Variants in UBAP1 observed in about 807,000 individuals in gnomAD.
UBAP1 encodes the protein ubiquitin-associated protein 1.
Under a neutral mutation model 39.0 loss-of-function variants are expected in UBAP1, and 5 were observed. The ratio of observed to expected loss-of-function variants is 0.13; its 90% CI spans 0.07 to 0.27. The LOEUF is 0.27. UBAP1 is among the 10% of genes least tolerant of loss of function. The pLI is 1.00. For missense variants in UBAP1, 490 were observed against 608.1 expected (o/e 0.81, Z 2.04); for synonymous variants, 211 against 225.1 (o/e 0.94, Z 0.56).
chr9:34,242,487 A>C (rs903605678), intron 4 of UBAP1, among the ~76,000 whole-genome samples: 12 of 152,168 alleles, frequency 7.9e-5, no homozygotes, highest in Admixed American at 7.2e-4. Flanking sequence ...AATAGAAATC[A>C]ATAGAAGTCA....
intron 1 of UBAP1, among the ~76,000 whole-genome samples, chr9:34,179,979 T>TA (rs1480533444): frequency 3.9e-5 from 6 of 152,232 alleles, no homozygotes; most frequent in Non-Finnish European, 7.3e-5. Flanking sequence ...AAAAAATTGT[T>TA]ACTTTTAGTC....
intron 1 of UBAP1, among the ~76,000 whole-genome samples, chr9:34,215,276 A>T (rs541126157): frequency 1.3e-5 from 2 of 151,600 alleles, no homozygotes; most frequent in Admixed American, 1.3e-4. Flanking sequence ...TATATATGAT[A>T]GTGTGTGTGT....
chr9:34,224,342 C>G (rs1335909552), intron 2 of UBAP1: 2 of 443,736 alleles, frequency 4.5e-6, no homozygotes, highest in African/African-American at 2.0e-5. Flanking sequence ...CAATTCTTCA[C>G]CAGGGTCTTG....
At chr9:34,232,605 G>T (rs1833483176) in intron 2 of UBAP1, among the ~76,000 whole-genome samples, 1 of 152,114 alleles carries the variant, frequency 6.6e-6, no homozygotes, top group Non-Finnish European at 1.5e-5. Flanking sequence ...TCTTCCTAAT[G>T]GAGAGTTTCA....
chr9:34,241,960 A>C lies in UBAP1; in HGVS notation c.935A>C (p.Glu312Ala). ...LKPSTQSSASELNGHHTLGLS... is the reference protein window; with the variant it reads ...LKPSTQSSASALNGHHTLGLS... ...CCTTCCACCCAAAGCAGTGCCAGTG[A>C]GCTCAATGGGCATCACACTCTTGGG... The change falls in exon 4 of 7, where the codon GAG becomes GCG. Residue 312 changes from glutamate (E) to alanine (A), a missense_variant. Transcript: ENST00000297661. The C allele has an allele frequency of 6.2e-7, 1 of 1,614,118 alleles. No homozygotes were observed. The highest frequency in any genetic ancestry group is 2.2e-5 in the East Asian group (1 of 44,874).
At chr9:34,251,289 C>T (rs1834510536) in intron 6 of UBAP1, 103 bp from the exon 7 acceptor site, 1 of 1,250,280 alleles carries the variant, frequency 8.0e-7, no homozygotes, top group Non-Finnish European at 1.1e-6. Flanking sequence ...AGGATGTAGA[C>T]ATTCTGCTCT....
intron 1 of UBAP1, among the ~76,000 whole-genome samples, chr9:34,207,206 C>T (rs1482894622): frequency 6.6e-6 from 1 of 151,320 alleles, no homozygotes; most frequent in Middle Eastern, 3.2e-3. Flanking sequence ...GCTCCCGCCA[C>T]AGCTAATTTT....
intron 2 of UBAP1, among the ~76,000 whole-genome samples, chr9:34,232,930 C>G (rs1833502591): frequency 2.0e-5 from 3 of 152,172 alleles, no homozygotes; most frequent in Admixed American, 1.3e-4. Context: ...AAACATGGCC[C>G]TGTTTGGAGT....
At chr9:34,239,411 C>T in intron 3 of UBAP1, among the ~76,000 whole-genome samples, 1 of 152,224 alleles carries the variant, frequency 6.6e-6, no homozygotes, top group East Asian at 1.9e-4. Flanking sequence ...ACCCAGAGAA[C>T]AGTCAGACCT....
intron 3 of UBAP1, among the ~76,000 whole-genome samples, chr9:34,234,699 A>C (rs1233394835): frequency 6.6e-6 from 1 of 152,192 alleles, no homozygotes; most frequent in Non-Finnish European, 1.5e-5. Context: ...ATGGTAGCGC[A>C]ATGCATTACT....
rs575181788 is a variant in UBAP1, at chr9:34,243,338, G to A, written c.1083+1230G>A. On this transcript the variant is annotated intron_variant, in intron 4 of 6. Transcript: ENST00000297661. ...GCAGAGATCTTTCTCAAACTAGAAC[G>A]CTTGTCATTCTTTGACCAGCCTGAT... Among the ~76,000 whole-genome samples the A allele has an allele frequency of 1.4e-4, 21 of 152,210 alleles. No individual in the cohort carries two copies. In the South Asian group the frequency reaches 3.5e-3, roughly 26 times the overall value.
At chr9:34,236,382 C>T (rs1833702954) in intron 3 of UBAP1, among the ~76,000 whole-genome samples, 1 of 152,062 alleles carries the variant, frequency 6.6e-6, no homozygotes, top group African/African-American at 2.4e-5. Flanking sequence ...TACACTCTGC[C>T]CTCACCGATG....
chr9:34,247,982 A>G (rs1265640257), intron 4 of UBAP1, among the ~76,000 whole-genome samples: 1 of 152,192 alleles, frequency 6.6e-6, no homozygotes, highest in Non-Finnish European at 1.5e-5. Context: ...AAGCATACCA[A>G]ATAACATTTC....
intron 1 of UBAP1, among the ~76,000 whole-genome samples, chr9:34,192,904 AT>A (rs35338046): frequency 0.7 from 106,498 of 152,012 alleles, 39,330 homozygotes; most frequent in East Asian, 0.95. Flanking sequence ...ATAATTACTT[AT>A]TTTTCTATAT....
intron 1 of UBAP1, among the ~76,000 whole-genome samples, chr9:34,184,592 C>T (rs1338860444): frequency 1.4e-5 from 2 of 143,364 alleles, no homozygotes; most frequent in African/African-American, 5.1e-5. Flanking sequence ...GATCACGCCA[C>T]TGCACTCCAG....
intron 1 of UBAP1, among the ~76,000 whole-genome samples, chr9:34,211,331 G>A (rs1832007272): frequency 6.6e-6 from 1 of 152,102 alleles, no homozygotes; most frequent in Non-Finnish European, 1.5e-5. Flanking sequence ...AAACATAAAT[G>A]TTGCTATGAC....
intron 1 of UBAP1, among the ~76,000 whole-genome samples, chr9:34,187,280 A>G (rs1270140492): frequency 6.6e-6 from 1 of 152,232 alleles, no homozygotes; most frequent in African/African-American, 2.4e-5. Context: ...TAAATACAGT[A>G]GTATACCTAT....
intron 1 of UBAP1, among the ~76,000 whole-genome samples, chr9:34,213,789 A>G (rs377625510): frequency 9.2e-5 from 14 of 152,168 alleles, no homozygotes; most frequent in East Asian, 7.7e-4. Context: ...CTCCTCCAGA[A>G]AGCTCCTAGA....
At chr9:34,236,797 T>A (rs781421600) in intron 3 of UBAP1, among the ~76,000 whole-genome samples, 4 of 151,986 alleles carry the variant, frequency 2.6e-5, no homozygotes, top group Non-Finnish European at 4.4e-5. Context: ...AAGTTTTAAA[T>A]TGTCACATCC....
Sources: gnomAD v4.1 joint callset for allele counts (sites outside exome capture counted in the v4.1 genomes callset) on GRCh38, gnomAD v4.1.1 for gene constraint, MANE v1.5 for transcripts, NCBI Gene and HGNC (gene_info 2026-07-23, HGNC 2026-07-21) for gene names.